AUTS2: variants seen among roughly 807,000 people sequenced by gnomAD.
AUTS2 encodes the protein activator of transcription and developmental regulator AUTS2, also known as autism susceptibility gene 2 protein.
In AUTS2, 17 loss-of-function variants were observed where a neutral mutation model predicts 112.4. The observed-to-expected ratio is 0.15, with a 90% CI of 0.10 to 0.23. AUTS2 has a LOEUF of 0.23. Among genes scored for constraint, AUTS2 ranks in the 10% least tolerant of loss-of-function variants. The pLI, the probability that AUTS2 is intolerant of heterozygous loss-of-function variation, is 1.00. For synonymous variants in AUTS2, 751 were observed against 702.7 expected, an observed-to-expected ratio of 1.07 and a Z score of -1.09; for missense variants, 1,510 against 1,701.6, an observed-to-expected ratio of 0.89 and a Z score of 1.98.
chr7:70,002,151 A>G (rs1159631120), intron 2 of AUTS2, among the ~76,000 whole-genome samples: 5 of 152,214 alleles, frequency 3.3e-5, no homozygotes, highest in Non-Finnish European at 5.9e-5. Flanking sequence ...TAGTGCTTAC[A>G]GAATGACAGC....
chr7:70,596,513 G>GC (rs2129529256), intron 5 of AUTS2: 2 of 152,386 alleles, frequency 1.3e-5, no homozygotes, highest in Non-Finnish European at 2.9e-5. Context: ...TGCCGAACCT[G>GC]CCCCCTGACG....
chr7:70,151,752 C>T (rs777894910), intron 4 of AUTS2, among the ~76,000 whole-genome samples: 30 of 152,070 alleles, frequency 2.0e-4, no homozygotes, highest in Non-Finnish European at 7.4e-5. Flanking sequence ...ACACCCTGCC[C>T]TCCCAGCACG....
At chr7:69,600,027 C>T in intron 1 of AUTS2, 65 bp downstream of exon 1, 1 of 1,536,704 alleles carries the variant, frequency 6.5e-7, no homozygotes. Flanking sequence ...GCGCCCGGCT[C>T]TCCTGCCTCC....
intron 5 of AUTS2, among the ~76,000 whole-genome samples, chr7:70,507,599 C>A (rs1357267800): frequency 1.3e-5 from 2 of 151,914 alleles, no homozygotes; most frequent in African/African-American, 4.8e-5. Context: ...GAGTTCAAGA[C>A]CAGCCTGACC....
In AUTS2 at chr7:69,899,429, T is replaced by A; in HGVS notation, c.453T>A (p.Asp151Glu). 6.2e-7 allele frequency: 1 copy of A among 1,613,916 alleles called. No individual in the cohort carries two copies. Among genetic ancestry groups the A allele is most frequent in the South Asian group, 1.1e-5 (1 of 91,076 alleles). Residue 151 changes from aspartate to glutamate, a missense_variant, in exon 2 of 19, where the codon GAT becomes GAA. This residue lies in a region of AUTS2 where 535 missense variants were observed against 594.3 expected (regional missense o/e 0.90). Transcript: ENST00000342771. The part of the protein sequence containing the change: ...RLSHPHHYSS[D>E]RENDRNLCQH... Reference sequence around the variant, plus strand: ...GCCACCCACACCACTACAGCTCAGATCGAGAAAATGACCGCAATCTCTGCC... The same window carrying A: ...GCCACCCACACCACTACAGCTCAGAACGAGAAAATGACCGCAATCTCTGCC...
chr7:70,617,282 C>G (rs1177597593), intron 5 of AUTS2, among the ~76,000 whole-genome samples: 1 of 152,160 alleles, frequency 6.6e-6, no homozygotes, highest in East Asian at 1.9e-4. Flanking sequence ...ACTAAATGAC[C>G]ACTAGTCCCT....
intron 1 of AUTS2, among the ~76,000 whole-genome samples, chr7:69,756,178 G>A (rs1375920079): frequency 6.6e-6 from 1 of 152,168 alleles, no homozygotes; most frequent in East Asian, 1.9e-4. Context: ...TGCCAAATAC[G>A]GTGGAGAAGG....
At chr7:70,528,815 A>G (rs764495428) in intron 5 of AUTS2, among the ~76,000 whole-genome samples, 13 of 152,088 alleles carry the variant, frequency 8.5e-5, no homozygotes, top group Non-Finnish European at 1.6e-4. Context: ...CTTAAAAAAA[A>G]AAAAGGAGTA....
chr7:69,726,606 C>A (rs1357179829), intron 1 of AUTS2, among the ~76,000 whole-genome samples: 1 of 150,828 alleles, frequency 6.6e-6, no homozygotes, highest in African/African-American at 2.4e-5. Flanking sequence ...GTATGTTTAA[C>A]TTTATAAGAA....
intron 5 of AUTS2, among the ~76,000 whole-genome samples, chr7:70,499,933 T>C (rs755448122): frequency 2.0e-5 from 3 of 152,158 alleles, no homozygotes; most frequent in Non-Finnish European, 4.4e-5. Context: ...TCCAGCTGTG[T>C]GCTGGGTTTC....
chr7:69,744,489 A>G (rs752953058), intron 1 of AUTS2, among the ~76,000 whole-genome samples: 19 of 152,146 alleles, frequency 1.2e-4, no homozygotes, highest in African/African-American at 4.6e-4. Flanking sequence ...GAGTCATTCT[A>G]TTAGACCAGT....
intron 4 of AUTS2, among the ~76,000 whole-genome samples, chr7:70,278,624 T>TAC (rs1406440910): frequency 3.5e-4 from 53 of 151,758 alleles, no homozygotes; most frequent in Admixed American, 2.8e-3. Context: ...CATACATACA[T>TAC]ATGTACATGC....
At chr7:70,355,852 A>G (rs1172601968) in intron 4 of AUTS2, among the ~76,000 whole-genome samples, 1 of 152,214 alleles carries the variant, frequency 6.6e-6, no homozygotes, top group Non-Finnish European at 1.5e-5. Context: ...TTCTGGAACC[A>G]TGCTGCCTTA....
rs927892486 is a variant in AUTS2 at position 70,483,958 on chromosome 7, G to A, written c.690+48177G>A. ...TTTATTTAGTGGTCTGCCCTGAAGG[G>A]AAAGAAAGGCTTGATTGTGAAGCAG... On this transcript the variant is annotated intron_variant, in intron 5 of 18. Transcript: ENST00000342771. Among the ~76,000 whole-genome samples the A allele has an allele frequency of 1.1e-4, 17 of 152,236 alleles. No homozygotes were observed. The East Asian group carries it at 2.7e-3, about 24-fold the overall frequency.
intron 2 of AUTS2, among the ~76,000 whole-genome samples, chr7:69,921,937 G>A (rs552805093): frequency 3.5e-4 from 54 of 152,134 alleles, no homozygotes; most frequent in African/African-American, 1.3e-3. Context: ...GGTGGCACAT[G>A]CCTGTAATCC....
At chr7:70,009,509 T>C (rs1045927227) in intron 2 of AUTS2, among the ~76,000 whole-genome samples, 10 of 152,222 alleles carry the variant, frequency 6.6e-5, no homozygotes, top group Non-Finnish European at 1.5e-5. Flanking sequence ...CAGCAAGCCT[T>C]AGTAGTGACC....
chr7:70,315,408 T>C (rs1234257306), intron 4 of AUTS2, among the ~76,000 whole-genome samples: 2 of 152,202 alleles, frequency 1.3e-5, no homozygotes, highest in Non-Finnish European at 2.9e-5. Context: ...GAGTATGTTT[T>C]CTCATACTGA....
intron 2 of AUTS2, among the ~76,000 whole-genome samples, chr7:70,078,176 C>T (rs958181009): frequency 6.6e-6 from 1 of 152,060 alleles, no homozygotes; most frequent in East Asian, 1.9e-4. Flanking sequence ...TTCCAAGACA[C>T]CCAGTGGATA....
intron 1 of AUTS2, among the ~76,000 whole-genome samples, chr7:69,610,889 G>A (rs1792999013): frequency 6.6e-6 from 1 of 152,164 alleles, no homozygotes; most frequent in Non-Finnish European, 1.5e-5. Context: ...GATGCCAAAA[G>A]CAGGGCTGCA....
Sources: gnomAD v4.1 joint callset for allele counts (sites outside exome capture counted in the v4.1 genomes callset) on GRCh38, gnomAD v4.1.1 for gene constraint, gnomAD v4.1.1 regional missense constraint, MANE v1.5 for transcripts, NCBI Gene and HGNC (gene_info 2026-07-23, HGNC 2026-07-21) for gene names.